The following ZC3H14 variants were observed in gnomAD, a reference collection of about 807,000 sequenced individuals.
ZC3H14 encodes zinc finger CCCH-type containing 14, also known as zinc finger CCCH domain-containing protein 14.
In ZC3H14, 31 loss-of-function variants were observed where a neutral mutation model predicts 92.4. The ratio of observed to expected loss-of-function variants is 0.34; its 90% confidence interval spans 0.25 to 0.45. The LOEUF (loss-of-function observed/expected upper bound fraction) is 0.45, where lower values mean the gene tolerates loss of function less well. Ranked by LOEUF, ZC3H14 falls within the 20% of genes least tolerant of loss-of-function variation. The probability of loss-of-function intolerance (pLI) is 1.00; values close to 1 mark genes in which losing one functional copy is unlikely to be tolerated. For missense variants in ZC3H14, 781 were observed against 897.3 expected (o/e 0.87, Z 1.66); for synonymous variants, 321 against 300.9 (o/e 1.07, Z -0.69).
Position 88,588,391 on chromosome 14 carries a change from T to C in ZC3H14, c.1280-8343T>C, listed in dbSNP as rs376911951. On this transcript the variant is annotated intron_variant, in intron 9 of 16. Coordinates refer to ENST00000251038, the MANE Select transcript of ZC3H14 (RefSeq NM_024824.5). ...CTGAGTTCTTGGAAATCTGAAGCTA[T>C]CCTTGTACTTGTTTGATACTTTGAC... is the stretch of plus-strand genomic sequence containing the variant. Among the ~76,000 whole-genome samples the C allele has an allele frequency of 2.1e-4, 32 of 152,364 alleles. 1 individual carries two copies. Among genetic ancestry groups the C allele is most frequent in the African/African-American group, 7.5e-4 (31 of 41,582 alleles).
chr14:88,569,490 A>G (rs2080124397), intron 3 of ZC3H14, among the ~76,000 whole-genome samples: 1 of 152,204 alleles, frequency 6.6e-6, no homozygotes, highest in African/African-American at 2.4e-5. Flanking sequence ...TAGAAGAGTA[A>G]GATTCAACTT....
Position 88,611,861 on chromosome 14 carries a change from C to T in ZC3H14, c.*110C>T, listed in dbSNP as rs2086845937. The T allele has an allele frequency of 4.1e-6, 6 of 1,464,292 alleles. No individual in the cohort carries two copies. The East Asian group carries it at 1.4e-4, about 34-fold the overall frequency. 90.7% of individuals were successfully genotyped at this position (1,464,292 alleles called of 1,614,324 possible). Reference sequence around the variant, plus strand: ...TTTGAAACTTGGAATATATTGCTTTCATAATATGAAGTTTTATTGCCTATC... The same window carrying T: ...TTTGAAACTTGGAATATATTGCTTTTATAATATGAAGTTTTATTGCCTATC... On this transcript the variant is annotated 3_prime_UTR_variant, in exon 17 of 17. Coordinates refer to ENST00000251038, the MANE Select transcript of ZC3H14 (RefSeq NM_024824.5).
chr14:88,575,406 A>G (rs547640998), intron 7 of ZC3H14, among the ~76,000 whole-genome samples: 17 of 152,250 alleles, frequency 1.1e-4, no homozygotes, highest in African/African-American at 4.1e-4. Flanking sequence ...TAAAAAAACT[A>G]AAAGGGGCCT....
chr14:88,574,277 ACT>A lies in ZC3H14; in HGVS notation c.862-413_862-412del, dbSNP rs532407230. 189 of 171,500 alleles carry A rather than the reference ACT, an allele frequency of 1.1e-3. 2 individuals carry two copies. The highest frequency in any genetic ancestry group is 4.3e-3 in the African/African-American group (178 of 41,592). The allele number at this position is 171,500 out of a possible 1,614,324, so 10.6% of individuals were successfully genotyped here. ...TTTATTTATTTTGATACGGTGTCTC[ACT>A]CTGTCGCCCAGGCTGGAGTGCAGTG... On this transcript the variant is annotated intron_variant, in intron 6 of 16. Coordinates refer to ENST00000251038, the MANE Select transcript of ZC3H14 (RefSeq NM_024824.5).
intron 9 of ZC3H14, among the ~76,000 whole-genome samples, chr14:88,592,865 T>C (rs1319945442): frequency 2.6e-5 from 4 of 152,198 alleles, no homozygotes; most frequent in Admixed American, 6.5e-5. Context: ...GTATGTTGCA[T>C]ATCTTATTTG....
chr14:88,576,938 C>T (rs2081241861), intron 8 of ZC3H14, among the ~76,000 whole-genome samples: 1 of 151,944 alleles, frequency 6.6e-6, no homozygotes, highest in Non-Finnish European at 1.5e-5. Context: ...TTACAGGCGC[C>T]CACTACCATG....
chr14:88,563,828 C>T, intron 2 of ZC3H14, 135 bp downstream of exon 2: 3 of 843,812 alleles, frequency 3.6e-6, no homozygotes, highest in Admixed American at 2.2e-5. Flanking sequence ...TCTTATACTC[C>T]CTGGTTACTT....
chr14:88,610,017 G>C (rs916777621), intron 15 of ZC3H14, among the ~76,000 whole-genome samples: 1 of 152,114 alleles, frequency 6.6e-6, no homozygotes, highest in Non-Finnish European at 1.5e-5. Flanking sequence ...GCACTCAGTG[G>C]GGGGAAGCAT....
chr14:88,594,948 G>A, intron 9 of ZC3H14: 1 of 1,613,936 alleles, frequency 6.2e-7, no homozygotes, highest in Non-Finnish European at 8.5e-7. Flanking sequence ...ATGTTAGAGT[G>A]TCCAAGAATG....
Position 88,563,382 on chromosome 14 carries a change from A to G in ZC3H14, c.36+213A>G, listed in dbSNP as rs1021564981. ...CTGCGGCTGAAGTAGCCGCCGGGAA[A>G]TGGAAGGACAGGCGCAGGCCCGGCT... is the stretch of plus-strand genomic sequence containing the variant. On this transcript the variant is annotated intron_variant, in intron 1 of 16. Transcript: ENST00000251038. 2.1e-5 allele frequency: 30 copies of G among 1,439,252 alleles called. No individual in the cohort carries two copies. In the African/African-American group the frequency reaches 3.8e-4, roughly 18 times the overall value. The allele number at this position is 1,439,252 out of a possible 1,614,324, so 89.2% of individuals were successfully genotyped here. A position where few individuals can be genotyped will look rare whatever the true frequency, so the allele number is the denominator to read the frequency against.
rs1192259964 is a variant in ZC3H14, at chr14:88,572,121, G to A, written c.327G>A (p.Arg109=). 1.2e-5 allele frequency: 19 copies of A among 1,613,998 alleles called. No homozygotes were observed. The highest frequency in any genetic ancestry group is 1.4e-5 in the Non-Finnish European group (16 of 1,180,038). ...ATTTCAGTCGGGGAGATGAGAGGAG[G>A]CATGAAGCTGCAGTGCCACCACTTG... ...KSNFSRGDER[R]HEAAVPPLAI... is the part of the protein sequence containing the mutation. Residue 109 remains arginine, a synonymous_variant, in exon 5 of 17, where the codon AGG becomes AGA. Transcript: ENST00000251038.
intron 9 of ZC3H14, among the ~76,000 whole-genome samples, chr14:88,593,208 C>CG (rs2083377196): frequency 6.6e-6 from 1 of 152,032 alleles, no homozygotes; most frequent in African/African-American, 2.4e-5. Flanking sequence ...CCTCATAATC[C>CG]ACCCACCTTG....
Position 88,618,350 on chromosome 14 carries a change from A to G in ZC3H14, c.*6599A>G, listed in dbSNP as rs779776748. ...TAGAGACCTTTTTCATCAGATTAAA[A>G]TGGGACAAGAATTCCATTAGGTGAG... On this transcript the variant is annotated 3_prime_UTR_variant, in exon 17 of 17. Coordinates refer to ENST00000251038, the MANE Select transcript of ZC3H14 (RefSeq NM_024824.5). 1.9e-6 allele frequency: 3 copies of G among 1,605,772 alleles called. No homozygotes were observed. Among genetic ancestry groups the G allele is most frequent in the Non-Finnish European group, 1.7e-6 (2 of 1,173,634 alleles).
chr14:88,573,390 GAAAAAAC>G (rs1388677099), intron 6 of ZC3H14, among the ~76,000 whole-genome samples: 1 of 151,300 alleles, frequency 6.6e-6, no homozygotes, highest in African/African-American at 2.4e-5. Context: ...AACCAAAAAA[GAAAAAAC>G]AAAAAACAAA....
In ZC3H14 at chr14:88,625,267, T is replaced by C. The variant is rs1198415150; in HGVS notation, c.*13516T>C. 22 of 987,792 alleles carry C rather than the reference T, an allele frequency of 2.2e-5. No homozygotes were observed. Among genetic ancestry groups the C allele is most frequent in the Middle Eastern group, 6.7e-4 (2 of 2,972 alleles). 61.2% of individuals were successfully genotyped at this position (987,792 alleles called of 1,614,324 possible). A position where few individuals can be genotyped will look rare whatever the true frequency, so the allele number is the denominator to read the frequency against. ...ATCGTGTAGTGGCAGCAGCACTGAA[T>C]TCACGAGTCAGGAAACCTGAACGGG... On this transcript the variant is annotated 3_prime_UTR_variant, in exon 17 of 17. Transcript: ENST00000251038.
chr14:88,576,735 C>CT (rs1255400306), intron 8 of ZC3H14, among the ~76,000 whole-genome samples: 7 of 151,854 alleles, frequency 4.6e-5, no homozygotes, highest in Admixed American at 2.6e-4. Flanking sequence ...CACTCTCTCG[C>CT]TTTTTTTTGT....
At chr14:88,580,725 T>G (rs374481564) in intron 9 of ZC3H14, among the ~76,000 whole-genome samples, 16 of 152,166 alleles carry the variant, frequency 1.1e-4, no homozygotes, top group African/African-American at 2.7e-4. Context: ...TCTGAAAAAT[T>G]GTACAGTATA....
At chr14:88,598,161 C>T (rs1295181866) in intron 10 of ZC3H14, among the ~76,000 whole-genome samples, 4 of 151,988 alleles carry the variant, frequency 2.6e-5, no homozygotes, top group Non-Finnish European at 5.9e-5. Flanking sequence ...GGTGGTCTTA[C>T]ATTTAAGAGT....
At position 88,627,399 on chromosome 14, in the gene ZC3H14, G is replaced by A; in HGVS notation, c.*15648G>A. The stretch of plus-strand genomic sequence containing the variant: ...ATAAATACATAGTTTCTTGCTGGAA[G>A]AAAATAGCAGTGAATCATTTATAAT... On this transcript the variant is annotated 3_prime_UTR_variant, in exon 17 of 17. Coordinates refer to ENST00000251038, the MANE Select transcript of ZC3H14 (RefSeq NM_024824.5). 1 of 488,788 alleles carries A rather than the reference G, an allele frequency of 2.0e-6. No homozygotes were observed. Among genetic ancestry groups the A allele is most frequent in the Non-Finnish European group, 3.6e-6 (1 of 278,724 alleles). The allele number at this position is 488,788 out of a possible 1,614,324, so 30.3% of individuals were successfully genotyped here. A position where few individuals can be genotyped will look rare whatever the true frequency, so the allele number is the denominator to read the frequency against.
Sources: gnomAD v4.1 joint callset for allele counts (sites outside exome capture counted in the v4.1 genomes callset) on GRCh38, gnomAD v4.1.1 for gene constraint, MANE v1.5 for transcripts, NCBI Gene and HGNC (gene_info 2026-07-23, HGNC 2026-07-21) for gene names.